The following SYCP2 variants were observed in gnomAD, a reference collection of about 807,000 sequenced individuals.
SYCP2 encodes the protein synaptonemal complex protein 2, also known as synaptonemal complex lateral element protein.
A neutral mutation model predicts 211.3 loss-of-function variants in SYCP2; 55 were observed. That is an observed-to-expected ratio of 0.26 (90% CI 0.21 to 0.33). The LOEUF (loss-of-function observed/expected upper bound fraction) is 0.33. Ranked by LOEUF, SYCP2 falls within the 10% of genes least tolerant of loss-of-function variation. SYCP2 has a pLI of 1.00. For synonymous variants in SYCP2, 570 were observed against 555.2 expected (o/e 1.03, Z -0.37); for missense variants, 1,731 against 1,752.0 (o/e 0.99, Z 0.21).
intron 2 of SYCP2, among the ~76,000 whole-genome samples, chr20:59,926,329 G>T (rs560685270): frequency 6.6e-6 from 1 of 152,078 alleles, no homozygotes; most frequent in African/African-American, 2.4e-5. Context: ...AAGTAAAGGG[G>T]TCAGTAGGAT....
intron 10 of SYCP2, among the ~76,000 whole-genome samples, chr20:59,914,762 C>T (rs905464612): frequency 6.6e-6 from 1 of 151,704 alleles, no homozygotes; most frequent in African/African-American, 2.4e-5. Flanking sequence ...ATATTAGACA[C>T]CCTAATTTCA....
Position 59,866,339 on chromosome 20 carries a change from A to G in SYCP2, c.4274T>C (p.Phe1425Ser). The change falls in exon 41 of 45, where the codon TTT becomes TCT. Residue 1425 changes from phenylalanine (F) to serine (S), a missense_variant. This residue lies in a region of SYCP2 where 1,387 missense variants were observed against 1,351.3 expected (regional missense o/e 1.03). Coordinates refer to ENST00000357552, the MANE Select transcript of SYCP2 (RefSeq NM_014258.4). ...QFIIIEELEN[F>S]EKDSQSLKDL... is the part of the protein sequence containing the mutation. Reference sequence around the variant, plus strand: ...TTTTAAAGACTGTGAATCTTTTTCAAAATTCTCCAGCTCCTCTATGATAAT... The same window carrying G: ...TTTTAAAGACTGTGAATCTTTTTCAGAATTCTCCAGCTCCTCTATGATAAT... 1.3e-6 allele frequency: 2 copies of G among 1,597,608 alleles called. No individual in the cohort carries two copies. The highest frequency in any genetic ancestry group is 1.7e-6 in the Non-Finnish European group (2 of 1,173,712).
At chr20:59,893,266 A>C (rs1489678433) in intron 21 of SYCP2, 67 bp from the exon 22 acceptor site, 5 of 1,083,454 alleles carry the variant, frequency 4.6e-6, no homozygotes, top group Non-Finnish European at 6.8e-6. Flanking sequence ...TAGGGAGGTT[A>C]GTATAGAAAT....
intron 7 of SYCP2, among the ~76,000 whole-genome samples, chr20:59,917,889 T>C (rs116718895): frequency 1.3e-5 from 2 of 152,306 alleles, no homozygotes; most frequent in African/African-American, 4.8e-5. Flanking sequence ...ACGAACTAAA[T>C]GCAACTCACT....
In SYCP2 at chr20:59,881,095, A is replaced by T. The variant is rs2059670107; in HGVS notation, c.2715-72T>A. On this transcript the variant is annotated intron_variant, in intron 29 of 44. Coordinates refer to ENST00000357552, the MANE Select transcript of SYCP2 (RefSeq NM_014258.4). Reference sequence around the variant, plus strand: ...TTTCTTAAGGTAATACACAATGGACAATTAGACCTGAGTTTTCAGTCTTAA... The same window carrying T: ...TTTCTTAAGGTAATACACAATGGACTATTAGACCTGAGTTTTCAGTCTTAA... 6 of 844,902 alleles carry T rather than the reference A, an allele frequency of 7.1e-6. No individual in the cohort carries two copies. The East Asian group carries it at 1.4e-4, about 20-fold the overall frequency. 52.3% of individuals were successfully genotyped at this position (844,902 alleles called of 1,614,324 possible).
intron 26 of SYCP2, among the ~76,000 whole-genome samples, chr20:59,884,704 C>A (rs1292496593): frequency 4.0e-5 from 6 of 151,880 alleles, no homozygotes; most frequent in South Asian, 4.2e-4. Context: ...CCTGTTGCAT[C>A]GTTTGTGTGC....
intron 16 of SYCP2, among the ~76,000 whole-genome samples, chr20:59,901,402 A>G (rs1217609955): frequency 6.6e-6 from 1 of 151,982 alleles, no homozygotes; most frequent in East Asian, 1.9e-4. Context: ...GTTTTCTCTC[A>G]TTTTACTTTT....
rs183791243 is a variant in SYCP2, at chr20:59,870,135, A to G, written c.3556-152T>C. 5.4e-5 allele frequency: 29 copies of G among 541,712 alleles called. No individual in the cohort carries two copies. The Admixed American group carries it at 9.2e-4, about 17-fold the overall frequency. 33.6% of individuals were successfully genotyped at this position (541,712 alleles called of 1,614,324 possible). A position where few individuals can be genotyped will look rare whatever the true frequency, so the allele number is the denominator to read the frequency against. The stretch of plus-strand genomic sequence containing the variant: ...ATTCAATTCCAATTCATAACTAAAA[A>G]TAAAAAATCCTTAGGCAAGTGGATT... On this transcript the variant is annotated intron_variant, in intron 35 of 44. Coordinates refer to ENST00000357552, the MANE Select transcript of SYCP2 (RefSeq NM_014258.4).
chr20:59,881,870 T>G, intron 28 of SYCP2, 75 bp downstream of exon 28: 1 of 1,205,866 alleles, frequency 8.3e-7, no homozygotes, highest in Non-Finnish European at 1.2e-6. Context: ...ATTAAAAACA[T>G]TCTATGTAAT....
At chr20:59,908,734 G>A (rs1337366827) in intron 14 of SYCP2, among the ~76,000 whole-genome samples, 2 of 152,066 alleles carry the variant, frequency 1.3e-5, no homozygotes, top group Non-Finnish European at 2.9e-5. Context: ...TTATCAGTAT[G>A]TTGTAGCAAT....
chr20:59,913,883 T>G (rs2060380366), intron 12 of SYCP2, 92 bp downstream of exon 12: 5 of 895,072 alleles, frequency 5.6e-6, no homozygotes, highest in Admixed American at 2.8e-5. Context: ...AGAACAAGAA[T>G]AAAGTTAAAT....
At chr20:59,868,965 T>C in intron 36 of SYCP2, 40 bp from the exon 37 acceptor site, 1 of 1,431,656 alleles carries the variant, frequency 7.0e-7, no homozygotes, top group Non-Finnish European at 9.7e-7. Flanking sequence ...ATTCCGTAAA[T>C]ATATTTCAAT....
At chr20:59,912,208 T>C (rs1185828215) in intron 13 of SYCP2, 165 bp downstream of exon 13, 10 of 469,950 alleles carry the variant, frequency 2.1e-5, no homozygotes, top group East Asian at 8.7e-5. Flanking sequence ...TGCTGTTCCA[T>C]AAAACTTCTC....
chr20:59,907,449 C>T (rs1298626920), intron 14 of SYCP2, 25 bp from the exon 15 acceptor site: 2 of 1,583,392 alleles, frequency 1.3e-6, no homozygotes, highest in Non-Finnish European at 1.7e-6. Context: ...CAGGTTTTGG[C>T]CATAAATAAT....
chr20:59,865,466 T>C (rs757462375), intron 43 of SYCP2, 22 bp from the exon 44 acceptor site: 1 of 1,601,528 alleles, frequency 6.2e-7, no homozygotes, highest in Admixed American at 1.7e-5. Context: ...TAAATATATT[T>C]CACCCATGAA....
chr20:59,895,606 G>T lies in SYCP2; in HGVS notation c.1505-9C>A, dbSNP rs1269957861. ...TCTTCGTGGTGGTATTGCTAAAAAG[G>T]AGGACAAGGATTGCAGATTTTTCTT... On this transcript the variant is annotated splice_polypyrimidine_tract_variant and intron_variant, in intron 19 of 44. Transcript: ENST00000357552. The T allele has an allele frequency of 6.2e-7, 1 of 1,607,444 alleles. No individual in the cohort carries two copies. Among genetic ancestry groups the T allele is most frequent in the African/African-American group, 1.3e-5 (1 of 74,594 alleles).
At chr20:59,915,993 A>G (rs1474407959) in intron 8 of SYCP2, among the ~76,000 whole-genome samples, 1 of 152,198 alleles carries the variant, frequency 6.6e-6, no homozygotes, top group Non-Finnish European at 1.5e-5. Flanking sequence ...ACTCTCTCAA[A>G]AAAATAAAAA....
intron 19 of SYCP2, among the ~76,000 whole-genome samples, 169 bp downstream of exon 19, chr20:59,896,260 T>C (rs1189232517): frequency 6.6e-6 from 1 of 152,142 alleles, no homozygotes; most frequent in Non-Finnish European, 1.5e-5. Context: ...TCTGTTCATA[T>C]GTTAGCATTA....
rs1022912619 is a variant in SYCP2, at chr20:59,874,070, C to T, written c.3350-9G>A. The T allele has an allele frequency of 5.4e-6, 8 of 1,483,894 alleles. No individual in the cohort carries two copies. The African/African-American group carries it at 1.1e-4, about 21-fold the overall frequency. The allele number at this position is 1,483,894 out of a possible 1,614,324, so 91.9% of individuals were successfully genotyped here. ...TGTTATTTTCTCTATACCTATATTG[C>T]ATCAAAATAAAAAAGAAAATAGATG... On this transcript the variant is annotated splice_polypyrimidine_tract_variant and intron_variant, in intron 34 of 44. Coordinates refer to ENST00000357552, the MANE Select transcript of SYCP2 (RefSeq NM_014258.4).
Sources: gnomAD v4.1 joint callset for allele counts (sites outside exome capture counted in the v4.1 genomes callset) on GRCh38, gnomAD v4.1.1 for gene constraint, gnomAD v4.1.1 regional missense constraint, MANE v1.5 for transcripts, NCBI Gene and HGNC (gene_info 2026-07-23, HGNC 2026-07-21) for gene names.